The following RPS6KA2 variants were observed in gnomAD, a reference collection of about 807,000 sequenced individuals.
RPS6KA2 encodes the protein ribosomal protein S6 kinase A2.
Under a neutral mutation model 91.8 loss-of-function variants are expected in RPS6KA2, and 42 were observed. The ratio of observed to expected loss-of-function variants is 0.46; its 90% CI spans 0.36 to 0.59. The LOEUF is 0.59. Among genes scored for constraint, RPS6KA2 ranks in the 20% least tolerant of loss-of-function variants. The probability of loss-of-function intolerance (pLI) is 0.00; values close to 1 mark genes in which losing one functional copy is unlikely to be tolerated. For synonymous variants in RPS6KA2, 414 were observed against 393.6 expected, an observed-to-expected ratio of 1.05 and a Z score of -0.61; for missense variants, 798 against 978.5, an observed-to-expected ratio of 0.82 and a Z score of 2.46.
chr6:166,412,409 G>A lies in RPS6KA2; in HGVS notation c.*353C>T, dbSNP rs887428745. 2 of 162,082 alleles carry A rather than the reference G, an allele frequency of 1.2e-5. No individual in the cohort carries two copies. Among genetic ancestry groups the A allele is most frequent in the African/African-American group, 4.8e-5 (2 of 41,886 alleles). 10.0% of individuals were successfully genotyped at this position (162,082 alleles called of 1,614,324 possible). On this transcript the variant is annotated 3_prime_UTR_variant, in exon 21 of 21. Coordinates refer to ENST00000265678, the MANE Select transcript of RPS6KA2 (RefSeq NM_021135.6). The surrounding 1 kb of genome is among the most constrained non-coding windows in gnomAD (Gnocchi z 4.3). ...TGTCGGGAGTCTGACCAAACCGACCGGCTTCATAATTGGAAAACAGATCTC... is the reference window on the plus strand; with the variant it reads ...TGTCGGGAGTCTGACCAAACCGACCAGCTTCATAATTGGAAAACAGATCTC...
At chr6:166,416,947 A>G (rs1266303939) in intron 19 of RPS6KA2, among the ~76,000 whole-genome samples, 5 of 152,200 alleles carry the variant, frequency 3.3e-5, no homozygotes, top group African/African-American at 1.2e-4. Context: ...ATGAAGTTGC[A>G]CTGAGATGTC....
chr6:166,547,996 A>C (rs925037345), intron 1 of RPS6KA2, among the ~76,000 whole-genome samples: 2 of 152,272 alleles, frequency 1.3e-5, no homozygotes, highest in Non-Finnish European at 2.9e-5. Flanking sequence ...TATAACAGTG[A>C]AGAAATAAGA....
At chr6:166,661,379 C>A (rs931431106) in intron 2 of RPS6KA2, among the ~76,000 whole-genome samples, 6 of 152,168 alleles carry the variant, frequency 3.9e-5, no homozygotes, top group African/African-American at 1.4e-4. Flanking sequence ...GGATTATAGG[C>A]ATGAGCCACC....
rs533477531 is a variant in RPS6KA2, at chr6:166,616,790, CA to C, written c.99+10130del. On this transcript the variant is annotated intron_variant, in intron 1 of 20. Coordinates refer to ENST00000265678, the MANE Select transcript of RPS6KA2 (RefSeq NM_021135.6). ...TTTGCCCTAGAGACCTGGGCTCACA[CA>C]GGGGCAGTGAGCCCACTGTGGTGCC... Among the ~76,000 whole-genome samples, 498 of 152,318 alleles carry C rather than the reference CA, an allele frequency of 3.3e-3. 3 individuals carry two copies. The highest frequency in any genetic ancestry group is 0.012 in the African/African-American group (480 of 41,586).
In RPS6KA2 at chr6:166,533,275, T is replaced by C. The variant is rs966155037; in HGVS notation, c.217-1962A>G. Among the ~76,000 whole-genome samples, 7 of 152,216 alleles carry C rather than the reference T, an allele frequency of 4.6e-5. No individual in the cohort carries two copies. The highest frequency in any genetic ancestry group is 2.6e-4 in the Admixed American group (4 of 15,282). On this transcript the variant is annotated intron_variant, in intron 2 of 20. Transcript: ENST00000265678. The surrounding 1 kb of genome is among the most constrained non-coding windows in gnomAD (Gnocchi z 4.0). Reference sequence around the variant, plus strand: ...CGTCCGTGTGCCTAATGTCCCTAGGTTGACTTGATGAGTGGTGCTGTGGAG... The same window carrying C: ...CGTCCGTGTGCCTAATGTCCCTAGGCTGACTTGATGAGTGGTGCTGTGGAG...
intron 2 of RPS6KA2, among the ~76,000 whole-genome samples, chr6:166,824,331 C>T (rs888844018): frequency 2.6e-5 from 4 of 152,194 alleles, no homozygotes; most frequent in East Asian, 1.9e-4. Flanking sequence ...GAGAAGCCGC[C>T]GTGTGGGGCG....
intron 1 of RPS6KA2, among the ~76,000 whole-genome samples, chr6:166,594,162 T>C (rs1044167865): frequency 1.3e-5 from 2 of 152,246 alleles, no homozygotes; most frequent in Admixed American, 6.5e-5. Context: ...GAATATTTAA[T>C]GGTGGCGGTA....
At chr6:166,421,202 C>T (rs1261535424) in intron 17 of RPS6KA2, among the ~76,000 whole-genome samples, 1 of 152,126 alleles carries the variant, frequency 6.6e-6, no homozygotes, top group Non-Finnish European at 1.5e-5. Context: ...TTTTACCCTG[C>T]CTACTTTGTA....
chr6:166,557,559 C>G lies in RPS6KA2; in HGVS notation c.100-18775G>C, dbSNP rs1292068857. Reference sequence around the variant, plus strand: ...GTCTGGCCTTAGAGTTTCTCTGGCACCTTTGTCAAATGACAGAAAAATCAG... The same window carrying G: ...GTCTGGCCTTAGAGTTTCTCTGGCAGCTTTGTCAAATGACAGAAAAATCAG... On this transcript the variant is annotated intron_variant, in intron 1 of 20. Coordinates refer to ENST00000265678, the MANE Select transcript of RPS6KA2 (RefSeq NM_021135.6). The surrounding 1 kb of genome is among the most constrained non-coding windows in gnomAD (Gnocchi z 4.8). 5.3e-5 allele frequency among the ~76,000 whole-genome samples: 8 copies of G among 152,122 alleles called. No individual in the cohort carries two copies. The South Asian group carries it at 1.7e-3, about 32-fold the overall frequency.
At chr6:166,540,943 A>G (rs987262465) in intron 1 of RPS6KA2, among the ~76,000 whole-genome samples, 1 of 152,240 alleles carries the variant, frequency 6.6e-6, no homozygotes, top group Non-Finnish European at 1.5e-5. Flanking sequence ...TCATTGACCT[A>G]CGAAAGGAAG....
intron 2 of RPS6KA2, chr6:166,702,854 G>A: frequency 2.1e-6 from 2 of 959,728 alleles, no homozygotes; most frequent in Non-Finnish European, 3.3e-6. Context: ...AAGAATGGTT[G>A]TTTAAAAAAA....
chr6:166,746,789 AG>A (rs1791027924), intron 2 of RPS6KA2, among the ~76,000 whole-genome samples: 1 of 152,188 alleles, frequency 6.6e-6, no homozygotes, highest in African/African-American at 2.4e-5. Flanking sequence ...TCAACTAAAT[AG>A]GGGTTCCTAT....
chr6:166,484,943 T>G (rs138755167), intron 10 of RPS6KA2, among the ~76,000 whole-genome samples: 2 of 152,358 alleles, frequency 1.3e-5, no homozygotes, highest in African/African-American at 2.4e-5. Flanking sequence ...AGTCAGATAA[T>G]GACTACCTTA....
rs143872721 is a variant in RPS6KA2 at position 166,832,876 on chromosome 6, G to A, written c.123+25324C>T. Among the ~76,000 whole-genome samples the A allele has an allele frequency of 7.1e-3, 1,078 of 152,288 alleles. 16 individuals are homozygous for A. The highest frequency in any genetic ancestry group is 0.025 in the African/African-American group (1,026 of 41,568). On this transcript the variant is annotated intron_variant, in intron 2 of 21. Transcript: ENST00000503859. ...AGAATTGAGCCAAGACTTTAATCAC[G>A]ATACCTTAAAGAGCAAATTTTAATT...
intron 2 of RPS6KA2, among the ~76,000 whole-genome samples, chr6:166,532,017 T>C (rs1241460411): frequency 6.6e-6 from 1 of 152,118 alleles, no homozygotes; most frequent in Non-Finnish European, 1.5e-5. Flanking sequence ...AAATAGTACT[T>C]GATTTTCCTA....
At chr6:166,454,994 CAT>C (rs1411810172) in intron 12 of RPS6KA2, among the ~76,000 whole-genome samples, 2 of 151,372 alleles carry the variant, frequency 1.3e-5, no homozygotes, top group East Asian at 3.9e-4. Flanking sequence ...TGAAAACACA[CAT>C]ATGTACAAAT....
intron 2 of RPS6KA2, among the ~76,000 whole-genome samples, chr6:166,830,526 TTC>T (rs2128626264): frequency 6.6e-6 from 1 of 152,368 alleles, no homozygotes; most frequent in Admixed American, 6.5e-5. Flanking sequence ...TTTTTATAAT[TTC>T]TTTTTAAAAA....
chr6:166,754,892 C>T (rs1300426159), intron 2 of RPS6KA2, among the ~76,000 whole-genome samples: 2 of 152,156 alleles, frequency 1.3e-5, no homozygotes, highest in East Asian at 1.9e-4. Context: ...AGGCCCTGCC[C>T]TGTCGCTCAC....
intron 2 of RPS6KA2, among the ~76,000 whole-genome samples, chr6:166,845,375 T>A (rs1780580222): frequency 6.6e-6 from 1 of 152,168 alleles, no homozygotes; most frequent in African/African-American, 2.4e-5. Flanking sequence ...AACAGATATT[T>A]ACAGAACATC....
Sources: gnomAD v4.1 joint callset for allele counts (sites outside exome capture counted in the v4.1 genomes callset) on GRCh38, gnomAD v4.1.1 for gene constraint, Gnocchi (gnomAD v3.1) non-coding constraint, MANE v1.5 for transcripts, NCBI Gene and HGNC (gene_info 2026-07-23, HGNC 2026-07-21) for gene names.